Variants in LRRTM4 observed in about 807,000 individuals in gnomAD.
The protein encoded by LRRTM4 is leucine rich repeat transmembrane neuronal 4, also known as leucine-rich repeat transmembrane neuronal protein 4.
Under a neutral mutation model 47.6 loss-of-function variants are expected in LRRTM4, and 25 were observed. That is an observed-to-expected ratio of 0.53 (90% CI 0.38 to 0.73). The LOEUF (loss-of-function observed/expected upper bound fraction) is 0.73, where lower values mean the gene tolerates loss of function less well. Ranked by LOEUF, LRRTM4 falls within the 30% of genes least tolerant of loss-of-function variation. LRRTM4 has a pLI of 0.00. For missense variants in LRRTM4, 638 were observed against 713.4 expected (o/e 0.89, Z 1.20); for synonymous variants, 311 against 269.5 (o/e 1.15, Z -1.51).
intron 3 of LRRTM4, among the ~76,000 whole-genome samples, chr2:77,126,547 C>A (rs1318016382): frequency 6.6e-6 from 1 of 152,140 alleles, no homozygotes; most frequent in Non-Finnish European, 1.5e-5. Flanking sequence ...TCCATTACAA[C>A]AGAGACTATT....
chr2:77,130,132 A>G (rs114367778), intron 3 of LRRTM4, among the ~76,000 whole-genome samples: 3,790 of 152,328 alleles, frequency 0.025, 72 homozygotes, highest in Admixed American at 0.058. Context: ...GTTATTTGCC[A>G]TAACATTTTT....
chr2:77,404,874 A>C (rs1004773433), intron 3 of LRRTM4, among the ~76,000 whole-genome samples: 2 of 152,094 alleles, frequency 1.3e-5, no homozygotes, highest in Non-Finnish European at 2.9e-5. Flanking sequence ...ATAGAGTAAA[A>C]GTTTTTTTAA....
intron 3 of LRRTM4, among the ~76,000 whole-genome samples, chr2:77,140,217 T>A (rs1672080988): frequency 6.6e-6 from 1 of 152,114 alleles, no homozygotes; most frequent in African/African-American, 2.4e-5. Context: ...CTACCTGACT[T>A]CAAACTATAC....
rs573268103 is a variant in LRRTM4, at chr2:77,169,141, C to T, written c.1551+349177G>A. Among the ~76,000 whole-genome samples, 11 of 152,138 alleles carry T rather than the reference C, an allele frequency of 7.2e-5. 1 individual carries two copies. Among genetic ancestry groups the T allele is most frequent in the Admixed American group, 5.2e-4 (8 of 15,248 alleles). On this transcript the variant is annotated intron_variant, in intron 3 of 3. Transcript: ENST00000409884. ...AAATATTAAATGGGGAAAAGCTGAACGCCTTTCCTATAAGAACTGGAAAAA... is the reference window on the plus strand; with the variant it reads ...AAATATTAAATGGGGAAAAGCTGAATGCCTTTCCTATAAGAACTGGAAAAA...
In LRRTM4 at chr2:76,748,613, G is replaced by T; in HGVS notation, c.*82C>A. ...GAACGATGAGCTTGCTCGATTGCGC[G>T]ATTGTGGACACCCATTCTCCTTTAA... On this transcript the variant is annotated 3_prime_UTR_variant, in exon 4 of 4. Transcript: ENST00000409884. The T allele has an allele frequency of 9.0e-7, 1 of 1,113,008 alleles. No individual in the cohort carries two copies. Among genetic ancestry groups the T allele is most frequent in the Non-Finnish European group, 1.3e-6 (1 of 754,564 alleles). 68.9% of individuals were successfully genotyped at this position (1,113,008 alleles called of 1,614,324 possible).
intron 3 of LRRTM4, among the ~76,000 whole-genome samples, chr2:77,490,185 A>G (rs6729915): frequency 0.37 from 56,275 of 151,542 alleles, 10,954 homozygotes; most frequent in African/African-American, 0.48. Context: ...AGGATGCGAA[A>G]GTTGCAGTGA....
chr2:77,093,052 C>G (rs1230314772), intron 3 of LRRTM4, among the ~76,000 whole-genome samples: 1 of 147,130 alleles, frequency 6.8e-6, no homozygotes, highest in Non-Finnish European at 1.5e-5. Flanking sequence ...AGGCCCCAGT[C>G]TCATTCCAGA....
At chr2:76,780,875 C>G (rs555965893) in intron 3 of LRRTM4, among the ~76,000 whole-genome samples, 239 of 149,396 alleles carry the variant, frequency 1.6e-3, no homozygotes, top group Admixed American at 3.5e-3. Context: ...CTGTTTTTTC[C>G]CCGTCTTTGT....
intron 3 of LRRTM4, among the ~76,000 whole-genome samples, chr2:77,210,437 AAT>A (rs1674258747): frequency 6.6e-6 from 1 of 152,202 alleles, no homozygotes; most frequent in Admixed American, 6.5e-5. Flanking sequence ...CAACATTAAA[AAT>A]AGTTTAGGAA....
intron 3 of LRRTM4, among the ~76,000 whole-genome samples, chr2:77,193,052 G>A (rs1673717361): frequency 6.6e-6 from 1 of 152,100 alleles, no homozygotes; most frequent in African/African-American, 2.4e-5. Flanking sequence ...ACTGAAAAAT[G>A]TCTACTGCTT....
chr2:77,503,862 G>T (rs74338442), intron 3 of LRRTM4, among the ~76,000 whole-genome samples: 6,610 of 151,660 alleles, frequency 0.044, 323 homozygotes, highest in Admixed American at 0.16. Context: ...GTAAAGCAAA[G>T]AATTTTTTAA....
intron 3 of LRRTM4, among the ~76,000 whole-genome samples, chr2:77,122,069 T>C (rs1411464998): frequency 6.6e-6 from 1 of 151,832 alleles, no homozygotes; most frequent in African/African-American, 2.4e-5. Flanking sequence ...TTCTACCCAG[T>C]ATGTATTACT....
intron 3 of LRRTM4, among the ~76,000 whole-genome samples, chr2:77,135,995 A>G (rs1253193397): frequency 6.6e-6 from 1 of 152,150 alleles, no homozygotes; most frequent in African/African-American, 2.4e-5. Context: ...GGAAAAAAAA[A>G]GGGTATTAAA....
At chr2:76,901,141 C>A (rs1673616248) in intron 3 of LRRTM4, among the ~76,000 whole-genome samples, 1 of 152,072 alleles carries the variant, frequency 6.6e-6, no homozygotes. Context: ...CACCTATCAA[C>A]CCATCACATA....
intron 3 of LRRTM4, among the ~76,000 whole-genome samples, chr2:76,840,710 G>A (rs1220060578): frequency 6.6e-6 from 1 of 152,174 alleles, no homozygotes; most frequent in East Asian, 1.9e-4. Context: ...AAGAGAGAGA[G>A]AAAGAGAATG....
chr2:76,952,380 G>A (rs535141935), intron 3 of LRRTM4, among the ~76,000 whole-genome samples: 23 of 151,904 alleles, frequency 1.5e-4, no homozygotes, highest in Non-Finnish European at 3.4e-4. Flanking sequence ...ATTTAAAAAT[G>A]GGCATGAACA....
chr2:77,274,071 G>T (rs1337343688), intron 3 of LRRTM4, among the ~76,000 whole-genome samples: 1 of 151,852 alleles, frequency 6.6e-6, no homozygotes, highest in Non-Finnish European at 1.5e-5. Context: ...TGGAAATAAT[G>T]CCACATTTTA....
At chr2:77,178,550 C>T (rs1267249037) in intron 3 of LRRTM4, among the ~76,000 whole-genome samples, 1 of 152,132 alleles carries the variant, frequency 6.6e-6, no homozygotes, top group Admixed American at 6.5e-5. Flanking sequence ...CGCGCCACTG[C>T]ACTCCAGCCT....
chr2:77,480,394 C>T (rs546111576), intron 3 of LRRTM4, among the ~76,000 whole-genome samples: 2 of 152,108 alleles, frequency 1.3e-5, no homozygotes, highest in East Asian at 3.9e-4. Context: ...TCTATTTTTC[C>T]AAAGGAATAG....
Sources: gnomAD v4.1 joint callset for allele counts (sites outside exome capture counted in the v4.1 genomes callset) on GRCh38, gnomAD v4.1.1 for gene constraint, MANE v1.5 for transcripts, NCBI Gene and HGNC (gene_info 2026-07-23, HGNC 2026-07-21) for gene names.